RBFOX1: variants seen among roughly 807,000 people sequenced by gnomAD.
The protein encoded by RBFOX1 is RNA binding protein fox-1 homolog 1.
In RBFOX1, 8 loss-of-function variants were observed where a neutral mutation model predicts 57.7. That is an observed-to-expected ratio of 0.14 (90% CI 0.08 to 0.25). The LOEUF (loss-of-function observed/expected upper bound fraction) is 0.25. RBFOX1 is among the 10% of genes least tolerant of loss of function. The pLI, the probability that RBFOX1 is intolerant of heterozygous loss-of-function variation, is 1.00. For synonymous variants in RBFOX1, 326 were observed against 222.4 expected (o/e 1.47, Z -4.15); for missense variants, 611 against 548.5 (o/e 1.11, Z -1.14).
intron 3 of RBFOX1, among the ~76,000 whole-genome samples, chr16:6,994,534 A>G (rs994700518): frequency 5.3e-5 from 8 of 152,178 alleles, no homozygotes; most frequent in Admixed American, 6.6e-5. Flanking sequence ...GCATTTTTTA[A>G]TAGAAGCAAA....
Position 6,084,027 on chromosome 16 carries a change from C to T in RBFOX1, c.-127+64035C>T, listed in dbSNP as rs117107650. ...TGAGAGAAAATTTAGTAGAGTATAA[C>T]GGTTAAAGAGTCTCAACTTTGCTAC... On this transcript the variant is annotated intron_variant, in intron 1 of 15. Transcript: ENST00000550418. 6.6e-3 allele frequency among the ~76,000 whole-genome samples: 998 copies of T among 152,230 alleles called. 12 individuals are homozygous for T. The highest frequency in any genetic ancestry group is 0.02 in the Middle Eastern group (6 of 294).
intron 2 of RBFOX1, among the ~76,000 whole-genome samples, chr16:6,620,551 C>A (rs12443694): frequency 2.6e-5 from 4 of 151,792 alleles, no homozygotes; most frequent in Non-Finnish European, 5.9e-5. Flanking sequence ...TCAATGAATC[C>A]GGGAGCTATT....
rs35887818 is a variant in RBFOX1 at position 6,724,208 on chromosome 16, A to ATTT, written c.-16+69574_-16+69576dup. On this transcript the variant is annotated intron_variant, in intron 3 of 15. Transcript: ENST00000550418. ...TGAGGACGGCGAGAAGGCATCTTCC[A>ATTT]TTTTTTTTTTTTTTTTTTGAGTTGG... Among the ~76,000 whole-genome samples, 308 of 128,036 alleles carry ATTT rather than the reference A, an allele frequency of 2.4e-3. 6 individuals carry two copies. The East Asian group carries it at 0.035, about 15-fold the overall frequency. 84.0% of individuals were successfully genotyped at this position (128,036 alleles called of 152,430 possible). A position where few individuals can be genotyped will look rare whatever the true frequency, so the allele number is the denominator to read the frequency against.
At chr16:5,643,646 A>T (rs987560274) in intron 3 of RBFOX1, among the ~76,000 whole-genome samples, 5 of 152,168 alleles carry the variant, frequency 3.3e-5, no homozygotes, top group Non-Finnish European at 2.9e-5. Flanking sequence ...TTAAATTATG[A>T]TTTGATGTAG....
At position 5,401,845 on chromosome 16, in the gene RBFOX1, C is replaced by A. The variant is rs144601536; in HGVS notation, c.220-65371C>A. Among the ~76,000 whole-genome samples the A allele has an allele frequency of 3.0e-3, 452 of 150,702 alleles. 16 individuals are homozygous for A. The highest frequency in any genetic ancestry group is 0.025 in the Admixed American group (378 of 14,876). On this transcript the variant is annotated intron_variant, in intron 1 of 2. Transcript: ENST00000585867. ...TGCTGCTGCTTCCTCATCATCATTT[C>A]TGTCTCTGTCTCTCGTCATCGTCGT...
chr16:5,699,186 C>T (rs1007071369), intron 3 of RBFOX1, among the ~76,000 whole-genome samples: 3 of 151,906 alleles, frequency 2.0e-5, no homozygotes, highest in Admixed American at 6.6e-5. Flanking sequence ...TGAGGTTTCA[C>T]CATATTGGCC....
intron 1 of RBFOX1, among the ~76,000 whole-genome samples, chr16:6,187,170 G>A (rs2097110528): frequency 6.6e-6 from 1 of 152,066 alleles, no homozygotes; most frequent in African/African-American, 2.4e-5. Flanking sequence ...ATCATACAAA[G>A]CCCTGATGCT....
At chr16:7,267,240 A>G (rs2095178644) in intron 4 of RBFOX1, among the ~76,000 whole-genome samples, 1 of 152,016 alleles carries the variant, frequency 6.6e-6, no homozygotes, top group Non-Finnish European at 1.5e-5. Context: ...CTCTACTAAA[A>G]ATACAAAAAT....
At chr16:7,056,283 A>G (rs2052232465) in intron 4 of RBFOX1, among the ~76,000 whole-genome samples, 1 of 152,194 alleles carries the variant, frequency 6.6e-6, no homozygotes, top group South Asian at 2.1e-4. Context: ...CGCACACTAC[A>G]CAACAGGGAA....
intron 4 of RBFOX1, among the ~76,000 whole-genome samples, chr16:7,490,304 G>A (rs1307116988): frequency 6.6e-6 from 1 of 152,204 alleles, no homozygotes; most frequent in Non-Finnish European, 1.5e-5. Context: ...TGATCTTGGA[G>A]CTGCTAGCTC....
intron 4 of RBFOX1, among the ~76,000 whole-genome samples, chr16:7,371,254 A>C (rs528462171): frequency 6.6e-6 from 1 of 152,172 alleles, no homozygotes; most frequent in Admixed American, 6.5e-5. Flanking sequence ...GAAGTAAACA[A>C]ATGTGCCACA....
At chr16:5,704,657 T>A (rs1347852665) in intron 3 of RBFOX1, among the ~76,000 whole-genome samples, 2 of 152,208 alleles carry the variant, frequency 1.3e-5, no homozygotes, top group East Asian at 1.9e-4. Flanking sequence ...AGTAGCCAAC[T>A]ACTTGGGTTT....
intron 2 of RBFOX1, among the ~76,000 whole-genome samples, chr16:5,570,978 C>A (rs2046262297): frequency 6.6e-6 from 1 of 152,036 alleles, no homozygotes; most frequent in Non-Finnish European, 1.5e-5. Flanking sequence ...CTTAGTATTG[C>A]CTATTTTATT....
At chr16:7,090,614 C>G (rs993373404) in intron 4 of RBFOX1, among the ~76,000 whole-genome samples, 2 of 152,086 alleles carry the variant, frequency 1.3e-5, no homozygotes, top group Admixed American at 6.6e-5. Context: ...GTTTTCCTAT[C>G]AAAAATAAAT....
At position 7,162,102 on chromosome 16, in the gene RBFOX1, C is replaced by T. The variant is rs370146144; in HGVS notation, c.27+110004C>T. Among the ~76,000 whole-genome samples the T allele has an allele frequency of 1.1e-4, 16 of 152,184 alleles. 1 individual carries two copies. The highest frequency in any genetic ancestry group is 5.8e-4 in the East Asian group (3 of 5,188). ...CCTCACAAGGGAGTTGGTGTCTTGCCAGAGAAACCCCTCTAAGCTCCAAGA... is the reference window on the plus strand; with the variant it reads ...CCTCACAAGGGAGTTGGTGTCTTGCTAGAGAAACCCCTCTAAGCTCCAAGA... On this transcript the variant is annotated intron_variant, in intron 4 of 15. Transcript: ENST00000550418.
intron 3 of RBFOX1, among the ~76,000 whole-genome samples, chr16:5,793,622 C>T (rs548928071): frequency 9.2e-5 from 14 of 152,168 alleles, no homozygotes; most frequent in South Asian, 2.1e-4. Context: ...TACTCAAGAG[C>T]AGTGCTCACA....
At chr16:7,340,978 T>C (rs892369036) in intron 4 of RBFOX1, among the ~76,000 whole-genome samples, 2 of 152,146 alleles carry the variant, frequency 1.3e-5, no homozygotes, top group Non-Finnish European at 2.9e-5. Flanking sequence ...GACCTACGGA[T>C]TTCACACTCT....
At chr16:6,459,952 C>G (rs13337601) in intron 2 of RBFOX1, among the ~76,000 whole-genome samples, 1,880 of 118,826 alleles carry the variant, frequency 0.016, 52 homozygotes, top group African/African-American at 0.059. Context: ...CCATTGCACT[C>G]CAGCCCGGGC....
chr16:5,672,998 T>C lies in RBFOX1; in HGVS notation c.318+74037T>C, dbSNP rs1398007811. ...GGTCAGTAATTGCTCAGAAACGTGC[T>C]TGGCTGCAGAGAAGCCTCCACTCTG... On this transcript the variant is annotated intron_variant, in intron 3 of 19. Transcript: ENST00000641259. Among the ~76,000 whole-genome samples the C allele has an allele frequency of 2.0e-5, 3 of 152,052 alleles. No homozygotes were observed. The East Asian group carries it at 5.8e-4, about 29-fold the overall frequency.
Sources: allele counts gnomAD v4.1 joint callset (sites outside exome capture counted in the v4.1 genomes callset), GRCh38; gene constraint gnomAD v4.1.1; transcripts MANE v1.5; gene names NCBI Gene and HGNC (gene_info 2026-07-23, HGNC 2026-07-21).